Variants in WDPCP observed in about 807,000 individuals in gnomAD.
WDPCP encodes the protein WD repeat-containing and planar cell polarity effector protein fritz homolog.
WDPCP carries 71 observed loss-of-function variants against 93.1 expected under a neutral mutation model. That is an observed-to-expected ratio of 0.76 (90% confidence interval 0.63 to 0.93). WDPCP has a LOEUF of 0.93. Ranked by LOEUF, WDPCP falls within the 40% of genes least tolerant of loss-of-function variation. WDPCP has a pLI of 0.00. For synonymous variants in WDPCP, 315 were observed against 315.0 expected (o/e 1.00, Z 0.00); for missense variants, 844 against 887.4 (o/e 0.95, Z 0.62).
At chr2:63,353,636 G>A (rs1395088719) in intron 12 of WDPCP, among the ~76,000 whole-genome samples, 22 of 152,134 alleles carry the variant, frequency 1.4e-4, no homozygotes, top group Non-Finnish European at 1.5e-5. Context: ...TTTTTAAGCA[G>A]TTTCCCAATC....
At chr2:63,615,741 C>T (rs1709664548) in intron 3 of WDPCP, among the ~76,000 whole-genome samples, 1 of 152,160 alleles carries the variant, frequency 6.6e-6, no homozygotes, top group African/African-American at 2.4e-5. Flanking sequence ...GGTGCCACCC[C>T]AGGCAATGAG....
intron 13 of WDPCP, among the ~76,000 whole-genome samples, chr2:63,303,604 G>A (rs1199862030): frequency 2.6e-5 from 4 of 152,140 alleles, no homozygotes; most frequent in African/African-American, 9.7e-5. Flanking sequence ...TACCCCTCTG[G>A]AGTGGTCCAC....
chr2:63,825,045 C>T (rs1671092079), intron 1 of WDPCP, among the ~76,000 whole-genome samples: 1 of 152,004 alleles, frequency 6.6e-6, no homozygotes, highest in Non-Finnish European at 1.5e-5. Context: ...TCTTTAAGAC[C>T]TTAATAAATT....
chr2:63,618,306 G>T (rs984285343), intron 3 of WDPCP, among the ~76,000 whole-genome samples: 2 of 152,224 alleles, frequency 1.3e-5, no homozygotes, highest in African/African-American at 4.8e-5. Context: ...TTCCTGGGGG[G>T]AAACTGCACC....
chr2:63,405,779 T>C (rs973605442), intron 9 of WDPCP, among the ~76,000 whole-genome samples: 1 of 152,014 alleles, frequency 6.6e-6, no homozygotes, highest in Admixed American at 6.6e-5. Flanking sequence ...CATATGTAAA[T>C]GACAGGAGTC....
chr2:63,760,885 G>A (rs1265727558), intron 2 of WDPCP, among the ~76,000 whole-genome samples: 4 of 152,182 alleles, frequency 2.6e-5, no homozygotes, highest in Middle Eastern at 3.4e-3. Flanking sequence ...TGCAGATGAC[G>A]CCACCCCACC....
chr2:63,272,041 G>C (rs1412631435), intron 13 of WDPCP, among the ~76,000 whole-genome samples: 3 of 152,168 alleles, frequency 2.0e-5, no homozygotes, highest in Non-Finnish European at 4.4e-5. Context: ...CCAAGGGTTA[G>C]CCTGCATGGA....
chr2:63,381,834 CA>C (rs1692332413), intron 11 of WDPCP, 71 bp downstream of exon 11: 1 of 1,538,108 alleles, frequency 6.5e-7, no homozygotes, highest in South Asian at 1.2e-5. Context: ...AAAACAACCT[CA>C]AAAAATAACT....
At chr2:63,539,908 A>G (rs1277971066) in intron 1 of WDPCP, among the ~76,000 whole-genome samples, 1 of 152,178 alleles carries the variant, frequency 6.6e-6, no homozygotes, top group East Asian at 1.9e-4. Flanking sequence ...CATGTTTTGC[A>G]TTCTTTAGTA....
chr2:63,150,151 C>A (rs923385612), intron 17 of WDPCP, among the ~76,000 whole-genome samples: 1 of 151,956 alleles, frequency 6.6e-6, no homozygotes, highest in Non-Finnish European at 1.5e-5. Flanking sequence ...TTCAAAGGTA[C>A]CGGTAATGTT....
intron 1 of WDPCP, among the ~76,000 whole-genome samples, chr2:63,823,869 C>T (rs1671067228): frequency 6.6e-6 from 1 of 152,042 alleles, no homozygotes; most frequent in African/African-American, 2.4e-5. Context: ...ACTGGAAAAG[C>T]ACAACAAAAT....
chr2:63,613,972 T>G (rs577181109), intron 3 of WDPCP, among the ~76,000 whole-genome samples: 2 of 152,044 alleles, frequency 1.3e-5, no homozygotes, highest in East Asian at 3.9e-4. Flanking sequence ...TCGGACAGAC[T>G]TTTTATTCAT....
chr2:63,502,148 T>C (rs1425294129), intron 1 of WDPCP, among the ~76,000 whole-genome samples: 1 of 152,228 alleles, frequency 6.6e-6, no homozygotes, highest in Non-Finnish European at 1.5e-5. Flanking sequence ...TTTGTGTTTT[T>C]ATAAAGATAA....
intron 1 of WDPCP, among the ~76,000 whole-genome samples, chr2:63,506,842 G>C (rs1158452941): frequency 6.6e-6 from 1 of 152,040 alleles, no homozygotes; most frequent in Non-Finnish European, 1.5e-5. Context: ...ACATTGCTGA[G>C]AGTGAGAAGG....
intron 9 of WDPCP, among the ~76,000 whole-genome samples, chr2:63,432,328 G>A (rs547978607): frequency 1.3e-5 from 2 of 152,026 alleles, no homozygotes; most frequent in African/African-American, 4.8e-5. Context: ...ACTTTCTGTT[G>A]GGTCCCACTA....
chr2:63,494,907 G>T (rs1489684149), intron 1 of WDPCP, among the ~76,000 whole-genome samples: 2 of 131,492 alleles, frequency 1.5e-5, no homozygotes, highest in Non-Finnish European at 3.1e-5. Flanking sequence ...GCGACAGAGC[G>T]AGACTCCGTC....
intron 13 of WDPCP, among the ~76,000 whole-genome samples, chr2:63,310,027 G>A (rs1160496276): frequency 6.6e-6 from 1 of 152,086 alleles, no homozygotes; most frequent in African/African-American, 2.4e-5. Context: ...TTCCAGCATT[G>A]TTAATCTGAC....
Position 63,465,747 on chromosome 2 carries a change from A to C in WDPCP, c.384+18857T>G, listed in dbSNP as rs1699306151. On this transcript the variant is annotated intron_variant, in intron 6 of 17. Coordinates refer to ENST00000272321, the MANE Select transcript of WDPCP (RefSeq NM_015910.7). ...GTCAAATTTTGAAATCAAATTGGAC[A>C]TCCTCACCCTAATTCCTGTTCTATG... 2.0e-5 allele frequency among the ~76,000 whole-genome samples: 3 copies of C among 152,228 alleles called. No homozygotes were observed. In the South Asian group the frequency reaches 6.2e-4, roughly 32 times the overall value.
At position 63,120,804 on chromosome 2, in the gene WDPCP, G is replaced by A. The variant is rs538860350; in HGVS notation, c.*1202C>T. Reference sequence around the variant, plus strand: ...CCGCCTTGGCCTCCCAAAGTGCTGGGATTACAGGCGTGAGCCACCGTGCCT... The same window carrying A: ...CCGCCTTGGCCTCCCAAAGTGCTGGAATTACAGGCGTGAGCCACCGTGCCT... On this transcript the variant is annotated 3_prime_UTR_variant, in exon 18 of 18. Transcript: ENST00000272321. Among the ~76,000 whole-genome samples, 1 of 152,060 alleles carries A rather than the reference G, an allele frequency of 6.6e-6. No individual in the cohort carries two copies. The highest frequency in any genetic ancestry group is 1.9e-4 in the East Asian group (1 of 5,164).
Sources: gnomAD v4.1 joint callset for allele counts (sites outside exome capture counted in the v4.1 genomes callset) on GRCh38, gnomAD v4.1.1 for gene constraint, MANE v1.5 for transcripts, NCBI Gene and HGNC (gene_info 2026-07-23, HGNC 2026-07-21) for gene names.